PALM2AKAP2: variants seen among roughly 807,000 people sequenced by gnomAD.
PALM2AKAP2 encodes the protein PALM2-AKAP2 fusion protein.
In PALM2AKAP2, 37 loss-of-function variants were observed where a neutral mutation model predicts 71.5. That is an observed-to-expected ratio of 0.52 (90% CI 0.40 to 0.68). The LOEUF (loss-of-function observed/expected upper bound fraction) is 0.68. PALM2AKAP2 is among the 30% of genes least tolerant of loss of function. The pLI, the probability that PALM2AKAP2 is intolerant of heterozygous loss-of-function variation, is 0.00. For missense variants in PALM2AKAP2, 1,224 were observed against 1,191.8 expected (o/e 1.03, Z -0.40); for synonymous variants, 468 against 478.8 (o/e 0.98, Z 0.29).
chr9:109,860,058 A>C (rs1829269285), intron 1 of PALM2AKAP2, among the ~76,000 whole-genome samples: 1 of 152,250 alleles, frequency 6.6e-6, no homozygotes, highest in Non-Finnish European at 1.5e-5. Flanking sequence ...TCTTGAAGAC[A>C]GAGCCAGGAG....
At chr9:110,081,172 G>A (rs1259511568) in intron 1 of PALM2AKAP2, among the ~76,000 whole-genome samples, 1 of 152,204 alleles carries the variant, frequency 6.6e-6, no homozygotes, top group African/African-American at 2.4e-5. Flanking sequence ...TGAGGGTCTT[G>A]CAGAAAGAAT....
intron 3 of PALM2AKAP2, among the ~76,000 whole-genome samples, chr9:110,157,940 G>T (rs141013287): frequency 1.3e-5 from 2 of 152,228 alleles, no homozygotes; most frequent in African/African-American, 2.4e-5. Context: ...TTCTCACTTG[G>T]CATCTCCCAG....
At chr9:109,915,495 G>A (rs1020997728) in intron 3 of PALM2AKAP2, among the ~76,000 whole-genome samples, 2 of 152,170 alleles carry the variant, frequency 1.3e-5, no homozygotes, top group Non-Finnish European at 2.9e-5. Context: ...GGGGCAAAGG[G>A]TACTGGTTCC....
At chr9:109,656,034 C>T (rs1438726041) in intron 1 of PALM2AKAP2, among the ~76,000 whole-genome samples, 1 of 152,154 alleles carries the variant, frequency 6.6e-6, no homozygotes, top group African/African-American at 2.4e-5. Flanking sequence ...CATCCCAGCC[C>T]TTGTATAAAC....
At chr9:109,649,797 G>C (rs1050475512) in intron 1 of PALM2AKAP2, among the ~76,000 whole-genome samples, 2 of 152,164 alleles carry the variant, frequency 1.3e-5, no homozygotes, top group African/African-American at 4.8e-5. Context: ...TGGATATTTT[G>C]TCTCATAAAA....
chr9:110,020,695 CA>C (rs1393331496), intron 7 of PALM2AKAP2, among the ~76,000 whole-genome samples: 1 of 151,252 alleles, frequency 6.6e-6, no homozygotes, highest in African/African-American at 2.4e-5. Flanking sequence ...AAACAAAAAA[CA>C]AAAAAACCCT....
intron 1 of PALM2AKAP2, among the ~76,000 whole-genome samples, chr9:109,665,509 C>A (rs1827468595): frequency 6.6e-6 from 1 of 152,156 alleles, no homozygotes; most frequent in African/African-American, 2.4e-5. Flanking sequence ...CTGGGTATCG[C>A]CAGCGGAGGC....
chr9:110,157,199 G>A (rs1387096033), intron 3 of PALM2AKAP2, among the ~76,000 whole-genome samples: 1 of 152,154 alleles, frequency 6.6e-6, no homozygotes, highest in Non-Finnish European at 1.5e-5. Context: ...TCAGCCTCAG[G>A]GTTCATGCCA....
At chr9:109,893,442 C>CGTTTTGTTTT (rs60779681) in intron 3 of PALM2AKAP2, among the ~76,000 whole-genome samples, 44,285 of 151,260 alleles carry the variant, frequency 0.29, 7,244 homozygotes, top group East Asian at 0.64. Context: ...GCAGGGGTTT[C>CGTTTTGTTTT]GTTTTGTTTT....
chr9:109,821,958 T>C (rs1011566936), intron 1 of PALM2AKAP2, among the ~76,000 whole-genome samples: 2 of 152,250 alleles, frequency 1.3e-5, no homozygotes, highest in African/African-American at 4.8e-5. Flanking sequence ...TTAATGTTTT[T>C]CCTTTGAGAC....
intron 1 of PALM2AKAP2, among the ~76,000 whole-genome samples, chr9:109,812,530 C>T (rs929732480): frequency 5.3e-5 from 8 of 152,124 alleles, no homozygotes; most frequent in Non-Finnish European, 7.4e-5. Context: ...AGAAGCAAGG[C>T]GCGGCTGATG....
chr9:109,880,823 G>A (rs1015272416), intron 3 of PALM2AKAP2, 142 bp downstream of exon 3: 1 of 1,279,096 alleles, frequency 7.8e-7, no homozygotes, highest in Non-Finnish European at 1.0e-6. Flanking sequence ...CATTGATGTT[G>A]TTTAAACTTT....
intron 1 of PALM2AKAP2, among the ~76,000 whole-genome samples, chr9:109,709,218 G>A (rs1828189498): frequency 6.6e-6 from 1 of 152,196 alleles, no homozygotes; most frequent in South Asian, 2.1e-4. Flanking sequence ...GCTGGATCTG[G>A]CTGTAACTTT....
chr9:110,135,971 T>G (rs1400887968), intron 1 of PALM2AKAP2, among the ~76,000 whole-genome samples, 156 bp from the exon 8 acceptor site: 1 of 152,154 alleles, frequency 6.6e-6, no homozygotes, highest in Non-Finnish European at 1.5e-5. Context: ...TACAAGAAAA[T>G]GAACATTTAA....
At chr9:110,093,955 C>T (rs1023788553) in intron 1 of PALM2AKAP2, among the ~76,000 whole-genome samples, 1 of 152,154 alleles carries the variant, frequency 6.6e-6, no homozygotes, top group Non-Finnish European at 1.5e-5. Flanking sequence ...TGTTTTGTCT[C>T]CAAGGGGACA....
intron 1 of PALM2AKAP2, among the ~76,000 whole-genome samples, chr9:109,797,550 G>A (rs1373164297): frequency 6.6e-6 from 1 of 152,164 alleles, no homozygotes; most frequent in Non-Finnish European, 1.5e-5. Flanking sequence ...AAGCAGCAGT[G>A]AGCAGTGGGA....
intron 6 of PALM2AKAP2, among the ~76,000 whole-genome samples, chr9:110,007,095 G>A (rs1218665087): frequency 6.6e-6 from 1 of 152,150 alleles, no homozygotes; most frequent in Non-Finnish European, 1.5e-5. Flanking sequence ...GAGGAGAGGA[G>A]AATCCTCCCT....
intron 1 of PALM2AKAP2, among the ~76,000 whole-genome samples, chr9:109,716,756 CT>C (rs1298622141): frequency 6.6e-6 from 1 of 152,174 alleles, no homozygotes; most frequent in Non-Finnish European, 1.5e-5. Context: ...GAAGGTGAGC[CT>C]AACCAATGAT....
intron 1 of PALM2AKAP2, among the ~76,000 whole-genome samples, chr9:110,072,974 A>T (rs1330711089): frequency 6.6e-6 from 1 of 152,230 alleles, no homozygotes; most frequent in Admixed American, 6.5e-5. Context: ...ATCTGAGGCA[A>T]TGAGAGAGAG....
Sources: allele counts gnomAD v4.1 joint callset (sites outside exome capture counted in the v4.1 genomes callset), GRCh38; gene constraint gnomAD v4.1.1; transcripts MANE v1.5; gene names NCBI Gene and HGNC (gene_info 2026-07-23, HGNC 2026-07-21).